The following PARN variants were observed in gnomAD, a reference collection of about 807,000 sequenced individuals.
The protein encoded by PARN is poly(A)-specific ribonuclease PARN.
In PARN, 71 loss-of-function variants were observed where a neutral mutation model predicts 102.8. That is an observed-to-expected ratio of 0.69 (90% CI 0.57 to 0.84). The LOEUF is 0.84. Ranked by LOEUF, PARN falls within the 40% of genes least tolerant of loss-of-function variation. The pLI is 0.00. For missense variants in PARN, 782 were observed against 760.9 expected (o/e 1.03, Z -0.33); for synonymous variants, 261 against 252.9 (o/e 1.03, Z -0.30).
In PARN at chr16:14,446,938, C is replaced by T; in HGVS notation, c.1814G>A (p.Arg605Lys). ...DSCAEPLSEG[R>K]KKAKKLKRMK... ...TCTTTTTAATTTCTTGGCCTTTTTCCTTCCCTCTGAGAGGGGCTCTGCACA... is the reference window on the plus strand; with the variant it reads ...TCTTTTTAATTTCTTGGCCTTTTTCTTTCCCTCTGAGAGGGGCTCTGCACA... The change falls in exon 23 of 24, where the codon AGG becomes AAG. Residue 605 changes from arginine (R) to lysine (K), a missense_variant. Arg to Lys is a conservative substitution (Grantham distance 26). Coordinates refer to ENST00000437198, the MANE Select transcript of PARN (RefSeq NM_002582.4). The T allele has an allele frequency of 6.2e-7, 1 of 1,613,138 alleles. No individual in the cohort carries two copies. The highest frequency in any genetic ancestry group is 8.5e-7 in the Non-Finnish European group (1 of 1,179,620).
chr16:14,605,662 A>G (rs1971133788), intron 10 of PARN, among the ~76,000 whole-genome samples: 1 of 152,282 alleles, frequency 6.6e-6, no homozygotes, highest in East Asian at 1.9e-4. Flanking sequence ...TACTTTATTT[A>G]ATCTCTAATT....
At chr16:14,573,955 G>A (rs934127480) in intron 18 of PARN, among the ~76,000 whole-genome samples, 1 of 152,216 alleles carries the variant, frequency 6.6e-6, no homozygotes, top group Admixed American at 6.5e-5. Flanking sequence ...TACTGGGGCG[G>A]GAGAGGGGGC....
chr16:14,586,880 A>G (rs762315862), intron 13 of PARN, among the ~76,000 whole-genome samples: 1 of 152,240 alleles, frequency 6.6e-6, no homozygotes, highest in South Asian at 2.1e-4. Context: ...AGGCTTTTCA[A>G]TACACATATG....
rs765012036 is a variant in PARN, at chr16:14,436,654, A to G, written c.*63T>C. ...TAAGTTAAATACAGTGCGGCTTCCA[A>G]ATGTGCCAGCCGGCTCTTGCTCACA... On this transcript the variant is annotated 3_prime_UTR_variant, in exon 24 of 24. Transcript: ENST00000437198. 3.4e-5 allele frequency: 43 copies of G among 1,257,446 alleles called. No individual in the cohort carries two copies. The highest frequency in any genetic ancestry group is 4.8e-5 in the Non-Finnish European group (42 of 876,114). 77.9% of individuals were successfully genotyped at this position (1,257,446 alleles called of 1,614,324 possible). A position where few individuals can be genotyped will look rare whatever the true frequency, so the allele number is the denominator to read the frequency against.
chr16:14,468,923 A>ATAGG (rs1164710876), intron 22 of PARN, among the ~76,000 whole-genome samples: 2 of 151,960 alleles, frequency 1.3e-5, no homozygotes, highest in East Asian at 3.9e-4. Context: ...AGATAGATAG[A>ATAGG]TAAAATAAAA....
At chr16:14,505,098 A>G (rs967661904) in intron 21 of PARN, among the ~76,000 whole-genome samples, 1 of 152,248 alleles carries the variant, frequency 6.6e-6, no homozygotes, top group African/African-American at 2.4e-5. Flanking sequence ...ATTTCAGATA[A>G]ATTACATATC....
At chr16:14,540,329 GT>G (rs1966792490) in intron 21 of PARN, among the ~76,000 whole-genome samples, 1 of 152,006 alleles carries the variant, frequency 6.6e-6, no homozygotes, top group Non-Finnish European at 1.5e-5. Context: ...TCATTTTTTG[GT>G]TTTTATTGAA....
At chr16:14,497,225 C>T (rs1964361376) in intron 21 of PARN, among the ~76,000 whole-genome samples, 1 of 151,906 alleles carries the variant, frequency 6.6e-6, no homozygotes, top group African/African-American at 2.4e-5. Context: ...ACAAGCCCTG[C>T]CTGACCTGAA....
intron 21 of PARN, among the ~76,000 whole-genome samples, chr16:14,490,848 C>T (rs1964020961): frequency 1.3e-5 from 2 of 152,098 alleles, no homozygotes; most frequent in African/African-American, 4.8e-5. Flanking sequence ...GACAGCCTCT[C>T]CAATTTACCA....
intron 22 of PARN, among the ~76,000 whole-genome samples, chr16:14,455,359 C>G (rs1179123070): frequency 6.6e-6 from 1 of 152,078 alleles, no homozygotes; most frequent in Non-Finnish European, 1.5e-5. Context: ...ACTGCTTTTC[C>G]TAATTCAAAT....
intron 18 of PARN, among the ~76,000 whole-genome samples, chr16:14,577,288 A>G (rs140667673): frequency 8.1e-4 from 124 of 152,388 alleles, no homozygotes; most frequent in Non-Finnish European, 1.3e-3. Context: ...AAGGGTAACC[A>G]TGAAAAATGA....
chr16:14,529,599 T>TC (rs1386726818), intron 21 of PARN, among the ~76,000 whole-genome samples: 1 of 151,964 alleles, frequency 6.6e-6, no homozygotes, highest in Non-Finnish European at 1.5e-5. Flanking sequence ...GTCACATCCA[T>TC]CCCCCTGGCT....
chr16:14,628,324 T>C (rs1972804985), intron 2 of PARN, 73 bp from the exon 3 acceptor site: 1 of 816,784 alleles, frequency 1.2e-6, no homozygotes, highest in Non-Finnish European at 2.1e-6. Flanking sequence ...AATCATTCAG[T>C]GCCTCTATAA....
intron 18 of PARN, among the ~76,000 whole-genome samples, chr16:14,556,161 A>C (rs1967674786): frequency 6.7e-6 from 1 of 148,852 alleles, no homozygotes; most frequent in African/African-American, 2.5e-5. Context: ...TACTATTATT[A>C]TTATTATTAT....
At chr16:14,505,155 G>T (rs1248227981) in intron 21 of PARN, among the ~76,000 whole-genome samples, 1 of 152,216 alleles carries the variant, frequency 6.6e-6, no homozygotes, top group Non-Finnish European at 1.5e-5. Context: ...TATTTTAAGT[G>T]AAATCTGGCA....
chr16:14,598,456 A>T (rs1970662456), intron 12 of PARN, among the ~76,000 whole-genome samples: 1 of 152,154 alleles, frequency 6.6e-6, no homozygotes, highest in Non-Finnish European at 1.5e-5. Flanking sequence ...GCTCAAAACC[A>T]ACTTATGTTC....
intron 21 of PARN, among the ~76,000 whole-genome samples, chr16:14,488,095 G>A (rs1963822878): frequency 1.3e-5 from 2 of 152,102 alleles, no homozygotes; most frequent in Non-Finnish European, 2.9e-5. Context: ...AGAATTCTAA[G>A]AGCCTAGAAA....
chr16:14,522,492 C>G (rs936246869), intron 21 of PARN, among the ~76,000 whole-genome samples: 1 of 151,978 alleles, frequency 6.6e-6, no homozygotes, highest in South Asian at 2.1e-4. Flanking sequence ...ATGGGCAGCA[C>G]AGTGAGACTT....
intron 14 of PARN, among the ~76,000 whole-genome samples, chr16:14,585,576 A>G (rs1211047415): frequency 6.6e-6 from 1 of 152,144 alleles, no homozygotes; most frequent in African/African-American, 2.4e-5. Context: ...GGGGGCAATA[A>G]TAACTATGGA....
Sources: gnomAD v4.1 joint callset for allele counts (sites outside exome capture counted in the v4.1 genomes callset) on GRCh38, gnomAD v4.1.1 for gene constraint, MANE v1.5 for transcripts, NCBI Gene and HGNC (gene_info 2026-07-23, HGNC 2026-07-21) for gene names.